Variants in SNX8 observed in about 807,000 individuals in gnomAD.
SNX8 encodes sorting nexin 8.
In SNX8, 25 loss-of-function variants were observed where a neutral mutation model predicts 51.6. That is an observed-to-expected ratio of 0.48 (90% CI 0.35 to 0.68). SNX8 has a LOEUF of 0.68. Among genes scored for constraint, SNX8 ranks in the 30% least tolerant of loss-of-function variants. The pLI is 0.00. For synonymous variants in SNX8, 324 were observed against 277.0 expected (o/e 1.17, Z -1.68); for missense variants, 695 against 624.0 (o/e 1.11, Z -1.21).
At chr7:2,260,517 A>AG (rs1795309982) in intron 7 of SNX8, among the ~76,000 whole-genome samples, 1 of 152,142 alleles carries the variant, frequency 6.6e-6, no homozygotes, top group African/African-American at 2.4e-5. Flanking sequence ...AACCAAGGCG[A>AG]AGATCCCGTC....
chr7:2,342,709 G>T (rs1778955718), intron 1 of SNX8, among the ~76,000 whole-genome samples: 1 of 152,102 alleles, frequency 6.6e-6, no homozygotes, highest in South Asian at 2.1e-4. Context: ...CACGTAAGTG[G>T]AGATGAGAGA....
intron 9 of SNX8, among the ~76,000 whole-genome samples, 171 bp from the exon 10 acceptor site, chr7:2,257,194 G>C (rs1795207903): frequency 6.6e-6 from 1 of 152,128 alleles, no homozygotes; most frequent in Non-Finnish European, 1.5e-5. Context: ...ACCGTGCAGG[G>C]AGCCGCATCG....
intron 1 of SNX8, among the ~76,000 whole-genome samples, chr7:2,303,702 A>G (rs1237456092): frequency 2.6e-5 from 4 of 152,288 alleles, no homozygotes; most frequent in Admixed American, 2.0e-4. Flanking sequence ...ACTCAGGGTT[A>G]AATGGATTAA....
intron 10 of SNX8, among the ~76,000 whole-genome samples, 166 bp downstream of exon 10, chr7:2,256,708 A>C (rs1795187232): frequency 6.6e-6 from 1 of 152,154 alleles, no homozygotes; most frequent in Non-Finnish European, 1.5e-5. Context: ...TACACAGGAG[A>C]CTAGAAGATC....
chr7:2,282,500 G>A (rs1337313140), intron 1 of SNX8, among the ~76,000 whole-genome samples: 1 of 152,208 alleles, frequency 6.6e-6, no homozygotes, highest in South Asian at 2.1e-4. Flanking sequence ...ACAAGTCTGT[G>A]AATCTCCAAG....
chr7:2,336,599 T>C (rs1778834829), intron 1 of SNX8, among the ~76,000 whole-genome samples: 1 of 151,596 alleles, frequency 6.6e-6, no homozygotes, highest in South Asian at 2.1e-4. Flanking sequence ...ACCCAGCTAC[T>C]TGGGAGGCTG....
In SNX8 at chr7:2,274,989, GT is replaced by G. The variant is rs200478358; in HGVS notation, c.418+122del. 6.1e-4 allele frequency: 352 copies of G among 573,342 alleles called. 5 individuals carry two copies. The Admixed American group carries it at 0.01, about 17-fold the overall frequency. 35.5% of individuals were successfully genotyped at this position (573,342 alleles called of 1,614,324 possible). On this transcript the variant is annotated intron_variant, in intron 3 of 10. Transcript: ENST00000222990. ...CTGTCCCAGATGCCAAAAGGCTGGA[GT>G]TTCCCCCGCAGCCCTGCACCTGCCC...
intron 1 of SNX8, among the ~76,000 whole-genome samples, chr7:2,280,821 C>G (rs1417334842): frequency 7.3e-6 from 1 of 137,028 alleles, no homozygotes; most frequent in Non-Finnish European, 1.5e-5. Flanking sequence ...GAGACAGAGT[C>G]TCGCTCTGTT....
In SNX8 at chr7:2,292,279, G is replaced by A. The variant is rs750255969; in HGVS notation, c.95-13974C>T. Among the ~76,000 whole-genome samples, 11 of 151,790 alleles carry A rather than the reference G, an allele frequency of 7.2e-5. No individual in the cohort carries two copies. In the South Asian group the frequency reaches 8.3e-4, roughly 12 times the overall value. Reference sequence around the variant, plus strand: ...CTCCATCTCAAAAAAAAATGAAGCCGGACCCCTCCCTCACACCATATATGA... The same window carrying A: ...CTCCATCTCAAAAAAAAATGAAGCCAGACCCCTCCCTCACACCATATATGA... On this transcript the variant is annotated intron_variant, in intron 1 of 10. Transcript: ENST00000222990.
At chr7:2,334,851 G>C (rs1244833321) in intron 1 of SNX8, among the ~76,000 whole-genome samples, 4 of 117,298 alleles carry the variant, frequency 3.4e-5, no homozygotes, top group African/African-American at 1.4e-4. Flanking sequence ...CTAGGCAACA[G>C]AGTAAGAGCC....
intron 5 of SNX8, 102 bp from the exon 6 acceptor site, chr7:2,264,560 C>T: frequency 5.2e-6 from 6 of 1,157,098 alleles, no homozygotes; most frequent in East Asian, 2.6e-5. Flanking sequence ...GGAGACACAG[C>T]AGGTCCATGA....
intron 1 of SNX8, among the ~76,000 whole-genome samples, chr7:2,342,357 AGGATAGAATTACAG>A (rs1305500437): frequency 6.6e-6 from 1 of 151,834 alleles, no homozygotes; most frequent in Non-Finnish European, 1.5e-5. Flanking sequence ...GGTTTTATTA[AGGATAGAATTACAG>A]GGCTGGGCGC....
intron 1 of SNX8, among the ~76,000 whole-genome samples, chr7:2,324,990 T>C (rs1778598509): frequency 6.6e-6 from 1 of 152,110 alleles, no homozygotes; most frequent in African/African-American, 2.4e-5. Context: ...ACGCCTGTAG[T>C]CCCAGCTACA....
chr7:2,289,747 T>C (rs762855490), intron 1 of SNX8, among the ~76,000 whole-genome samples: 21 of 152,216 alleles, frequency 1.4e-4, no homozygotes, highest in Non-Finnish European at 2.9e-4. Flanking sequence ...AACGTAGTAC[T>C]GTTCACGTGG....
intron 10 of SNX8, among the ~76,000 whole-genome samples, chr7:2,255,837 G>A (rs1795163665): frequency 2.6e-5 from 4 of 152,250 alleles, no homozygotes; most frequent in Admixed American, 2.6e-4. Context: ...TGCTGTGGAT[G>A]TGAGGAGGGG....
intron 1 of SNX8, among the ~76,000 whole-genome samples, chr7:2,298,275 G>A (rs1324045337): frequency 6.6e-6 from 1 of 151,904 alleles, no homozygotes; most frequent in African/African-American, 2.4e-5. Flanking sequence ...GCCCCATCAT[G>A]TGCAGCTAAC....
intron 1 of SNX8, among the ~76,000 whole-genome samples, chr7:2,328,949 G>C (rs1214247190): frequency 6.6e-6 from 1 of 152,134 alleles, no homozygotes; most frequent in East Asian, 1.9e-4. Context: ...AGCCGGGCGT[G>C]TTGGCGGGTG....
At chr7:2,312,755 T>TCCC (rs10672731) in intron 1 of SNX8, among the ~76,000 whole-genome samples, 108 of 149,978 alleles carry the variant, frequency 7.2e-4, no homozygotes, top group Admixed American at 1.9e-3. Flanking sequence ...CCCAATCTTG[T>TCCC]CCCCCCCCAC....
upstream of SNX8, chr7:2,314,461 C>G (rs953295530): frequency 6.7e-6 from 8 of 1,197,600 alleles, no homozygotes; most frequent in Non-Finnish European, 6.2e-6. Context: ...CCGCGCCACC[C>G]GGCCGCGCAG....
Sources: allele counts gnomAD v4.1 joint callset (sites outside exome capture counted in the v4.1 genomes callset), GRCh38; gene constraint gnomAD v4.1.1; transcripts MANE v1.5; gene names NCBI Gene and HGNC (gene_info 2026-07-23, HGNC 2026-07-21).